PFKM: variants seen among roughly 807,000 people sequenced by gnomAD.
The protein encoded by PFKM is ATP-dependent 6-phosphofructokinase, muscle type.
PFKM carries 58 observed loss-of-function variants against 95.5 expected under a neutral mutation model. The observed-to-expected ratio is 0.61, with a 90% CI of 0.49 to 0.76. The LOEUF is 0.76. Ranked by LOEUF, PFKM falls within the 30% of genes least tolerant of loss-of-function variation. The pLI is 0.00. For synonymous variants in PFKM, 336 were observed against 357.2 expected (o/e 0.94, Z 0.67); for missense variants, 678 against 1,005.4 (o/e 0.67, Z 4.40).
Position 48,139,929 on chromosome 12 carries a change from T to C in PFKM, c.1191+17T>C. On this transcript the variant is annotated intron_variant, in intron 13 of 22. Transcript: ENST00000359794. ...GTATCTAAGGTACTGGCAAGTTGAC[T>C]TGCCCTCTCCCCTTTTCCTTCTCCC... 1.9e-6 allele frequency: 3 copies of C among 1,571,184 alleles called. No homozygotes were observed. Among genetic ancestry groups the C allele is most frequent in the East Asian group, 4.5e-5 (2 of 44,662 alleles).
chr12:48,114,838 T>C (rs1406332370), upstream of PFKM, among the ~76,000 whole-genome samples: 1 of 152,072 alleles, frequency 6.6e-6, no homozygotes, highest in Non-Finnish European at 1.5e-5. Context: ...TTTAGAACCA[T>C]TGTCGAGTTT....
upstream of PFKM, chr12:48,105,522 T>C (rs1370861023): frequency 3.9e-6 from 2 of 518,244 alleles, no homozygotes; most frequent in African/African-American, 1.9e-5. Context: ...CTCAGGGAGA[T>C]ACCACAGAGT....
chr12:48,131,539 T>C, intron 4 of PFKM, 146 bp downstream of exon 4: 1 of 708,958 alleles, frequency 1.4e-6, no homozygotes, highest in Non-Finnish European at 2.6e-6. Context: ...ATTTGCCCTT[T>C]ACTCTTAGCA....
chr12:48,106,870 C>T (rs1946687226), intron 1 of PFKM, among the ~76,000 whole-genome samples: 1 of 152,154 alleles, frequency 6.6e-6, no homozygotes, highest in Admixed American at 6.5e-5. Context: ...TAGAGAAGGA[C>T]CCAGGAATCA....
chr12:48,141,555 C>T (rs1441614755), intron 15 of PFKM, 174 bp downstream of exon 15: 26 of 763,012 alleles, frequency 3.4e-5, no homozygotes, highest in Non-Finnish European at 5.8e-5. Context: ...TTTAGCAGCT[C>T]TGGCAACTTA....
At chr12:48,141,892 C>T (rs745962061) in intron 16 of PFKM, 22 bp from the exon 17 acceptor site, 2 of 1,614,072 alleles carry the variant, frequency 1.2e-6, no homozygotes, top group Non-Finnish European at 1.7e-6. Context: ...CCAATCCTGC[C>T]CTTGTGCTCT....
At chr12:48,144,682 CATT>C (rs1950870733) in intron 20 of PFKM, among the ~76,000 whole-genome samples, 1 of 152,228 alleles carries the variant, frequency 6.6e-6, no homozygotes, top group Non-Finnish European at 1.5e-5. Context: ...TTTATGTCAT[CATT>C]GACAGTGATC....
chr12:48,108,260 T>G, intron 3 of PFKM: 1 of 1,498,510 alleles, frequency 6.7e-7, no homozygotes, highest in Non-Finnish European at 9.1e-7. Context: ...GTTGTATGCA[T>G]AGTATTATAA....
At chr12:48,131,618 C>A in intron 4 of PFKM, 1 of 582,856 alleles carries the variant, frequency 1.7e-6, no homozygotes, top group Non-Finnish European at 3.1e-6. Context: ...ATGCTTTGCT[C>A]TTTATGGAAA....
At chr12:48,139,151 G>T in intron 11 of PFKM, 134 bp from the exon 12 acceptor site, 1 of 739,040 alleles carries the variant, frequency 1.4e-6, no homozygotes, top group Non-Finnish European at 2.4e-6. Flanking sequence ...TGGGGGCATA[G>T]GAAAGGTGGG....
chr12:48,141,442 G>C (rs763660713), intron 15 of PFKM, 61 bp downstream of exon 15: 1 of 1,396,536 alleles, frequency 7.2e-7, no homozygotes, highest in African/African-American at 1.4e-5. Flanking sequence ...CTTGGATGTG[G>C]GTTCATTATG....
chr12:48,135,202 G>T, intron 9 of PFKM, 89 bp from the exon 10 acceptor site: 1 of 1,237,894 alleles, frequency 8.1e-7, no homozygotes, highest in Admixed American at 1.7e-5. Context: ...ACAAGAGGCT[G>T]AGCTGTCCAT....
chr12:48,134,312 C>T, intron 7 of PFKM, 36 bp downstream of exon 7: 6 of 1,573,752 alleles, frequency 3.8e-6, no homozygotes, highest in Non-Finnish European at 5.2e-6. Context: ...ATTCCGTGGA[C>T]CTAGCGATAG....
At chr12:48,130,645 A>C (rs1004941144) in intron 3 of PFKM, among the ~76,000 whole-genome samples, 2 of 152,114 alleles carry the variant, frequency 1.3e-5, no homozygotes, top group African/African-American at 4.8e-5. Flanking sequence ...CTGGGTCTTC[A>C]TGTTGCCTGT....
chr12:48,131,985 T>A (rs775375068), intron 4 of PFKM: 3 of 455,854 alleles, frequency 6.6e-6, no homozygotes, highest in South Asian at 4.6e-5. Flanking sequence ...TTACTGAAAA[T>A]TTGTAAATTA....
exon 1 of PFKM, chr12:48,106,040 G>A (rs898185606): frequency 2.8e-6 from 2 of 701,838 alleles, no homozygotes; most frequent in African/African-American, 1.7e-5. Flanking sequence ...AACCGGAACC[G>A]GCTGCCATGC....
At position 48,140,592 on chromosome 12, in the gene PFKM, G is replaced by A. The variant is rs1301418343; in HGVS notation, c.1192-130G>A. The A allele has an allele frequency of 6.5e-6, 6 of 923,518 alleles. No individual in the cohort carries two copies. The East Asian group carries it at 9.6e-5, about 15-fold the overall frequency. 57.2% of individuals were successfully genotyped at this position (923,518 alleles called of 1,614,324 possible). On this transcript the variant is annotated intron_variant, in intron 13 of 22. Coordinates refer to ENST00000359794, the MANE Select transcript of PFKM (RefSeq NM_000289.6). Reference sequence around the variant, plus strand: ...ATTCCTTGGGAGAGGGGTGTGTGTTGTGTTGTCTTAGGCAGATATCCTGAT... The same window carrying A: ...ATTCCTTGGGAGAGGGGTGTGTGTTATGTTGTCTTAGGCAGATATCCTGAT...
At chr12:48,122,946 G>A (rs1458985836) in intron 2 of PFKM, 87 bp downstream of exon 2, 8 of 1,331,578 alleles carry the variant, frequency 6.0e-6, no homozygotes, top group African/African-American at 1.4e-5. Flanking sequence ...TTATTCTTCT[G>A]TAGGTTCACG....
intron 5 of PFKM, 63 bp downstream of exon 5, chr12:48,133,120 C>G: frequency 1.3e-6 from 2 of 1,482,368 alleles, no homozygotes; most frequent in South Asian, 1.1e-5. Flanking sequence ...TGTACACACA[C>G]ACATCGCCCC....
Sources: allele counts gnomAD v4.1 joint callset (sites outside exome capture counted in the v4.1 genomes callset), GRCh38; gene constraint gnomAD v4.1.1; transcripts MANE v1.5; gene names NCBI Gene and HGNC (gene_info 2026-07-23, HGNC 2026-07-21).